Variants in AREG observed in about 807,000 individuals in gnomAD.
The protein encoded by AREG is amphiregulin, also known as amphiregulin B.
Under a neutral mutation model 28.0 loss-of-function variants are expected in AREG, and 16 were observed. The observed-to-expected ratio is 0.57, with a 90% CI of 0.39 to 0.87. The LOEUF (loss-of-function observed/expected upper bound fraction) is 0.87. Among genes scored for constraint, AREG ranks in the 40% least tolerant of loss-of-function variants. The pLI, the probability that AREG is intolerant of heterozygous loss-of-function variation, is 0.00. For missense variants in AREG, 287 were observed against 309.1 expected (o/e 0.93, Z 0.53); for synonymous variants, 113 against 113.5 (o/e 1.00, Z 0.02).
intron 1 of AREG, 32 bp downstream of exon 1, chr4:74,445,438 T>C: frequency 6.3e-7 from 1 of 1,596,214 alleles, no homozygotes; most frequent in Non-Finnish European, 8.5e-7. Flanking sequence ...ACTGCTGGGC[T>C]CTCCTCCCAT....
intron 2 of AREG, chr4:74,448,535 A>G (rs1719328766): frequency 6.4e-6 from 1 of 156,022 alleles, no homozygotes; most frequent in South Asian, 1.9e-4. Context: ...AATGCACAGC[A>G]CTAACATGCA....
intron 1 of AREG, 111 bp from the exon 2 acceptor site, chr4:74,446,423 T>C: frequency 2.5e-6 from 4 of 1,583,870 alleles, no homozygotes; most frequent in Non-Finnish European, 3.5e-6. Flanking sequence ...CAATAGCACA[T>C]GTGCAATAAC....
intron 2 of AREG, 185 bp from the exon 3 acceptor site, chr4:74,448,862 A>G (rs1719334164): frequency 1.2e-6 from 1 of 835,340 alleles, no homozygotes; most frequent in Non-Finnish European, 1.8e-6. Context: ...ACTTTCAGGT[A>G]GAAAAAACTG....
At position 74,445,233 on chromosome 4, in the gene AREG, C is replaced by T. The variant is rs1719248618; in HGVS notation, c.-113C>T. The T allele has an allele frequency of 6.5e-7, 1 of 1,535,950 alleles. No homozygotes were observed. The highest frequency in any genetic ancestry group is 8.8e-7 in the Non-Finnish European group (1 of 1,137,950). ...GAGCTCCCCAAGCCTTCGAGAGCGG[C>T]GCACACTCCCGGTCTCCACTCGCTC... On this transcript the variant is annotated 5_prime_UTR_variant, in exon 1 of 6. Transcript: ENST00000395748.
Position 74,445,296 on chromosome 4 carries a change from C to T in AREG, c.-50C>T, listed in dbSNP as rs1357656133. 8.8e-6 allele frequency: 14 copies of T among 1,594,472 alleles called. No individual in the cohort carries two copies. Among genetic ancestry groups the T allele is most frequent in the African/African-American group, 5.4e-5 (4 of 74,552 alleles). ...CTCGTTTTGGCGGCAGCTCGTGTCC[C>T]AGAGACCGAGTTGCCCCAGAGACCG... On this transcript the variant is annotated 5_prime_UTR_variant, in exon 1 of 6. Transcript: ENST00000395748.
At position 74,450,577 on chromosome 4, in the gene AREG, G is replaced by A. The variant is rs969609544; in HGVS notation, c.665+45G>A. On this transcript the variant is annotated intron_variant, in intron 4 of 5. Transcript: ENST00000395748. ...CAAATTCTTAATAAAATAATGGGAGGTTAATTTTTTCAGTATTTCTCTCAT... is the reference window on the plus strand; with the variant it reads ...CAAATTCTTAATAAAATAATGGGAGATTAATTTTTTCAGTATTTCTCTCAT... The A allele has an allele frequency of 3.7e-5, 60 of 1,606,464 alleles. No homozygotes were observed. The African/African-American group carries it at 7.2e-4, about 19-fold the overall frequency.
intron 5 of AREG, among the ~76,000 whole-genome samples, chr4:74,453,935 A>G (rs958329257): frequency 5.3e-5 from 8 of 152,114 alleles, no homozygotes; most frequent in Admixed American, 3.9e-4. Context: ...AAAAAAAAAA[A>G]AAAGAATTAC....
intron 2 of AREG, among the ~76,000 whole-genome samples, chr4:74,447,828 C>T (rs1163551753): frequency 2.0e-5 from 3 of 152,284 alleles, no homozygotes; most frequent in African/African-American, 7.2e-5. Context: ...ACTTAATTCC[C>T]TTCCTTCTCA....
chr4:74,449,911 T>G (rs1719353856), intron 3 of AREG, among the ~76,000 whole-genome samples: 1 of 142,226 alleles, frequency 7.0e-6, no homozygotes, highest in African/African-American at 2.5e-5. Context: ...GCTTGCTCTC[T>G]CTCTCTCTCT....
chr4:74,453,185 T>C (rs1252481336), intron 5 of AREG, among the ~76,000 whole-genome samples: 3 of 152,170 alleles, frequency 2.0e-5, no homozygotes, highest in Non-Finnish European at 4.4e-5. Context: ...TTAATCTAAA[T>C]GAGTGTTAGG....
At position 74,450,392 on chromosome 4, in the gene AREG, A is replaced by G. The variant is rs912366761; in HGVS notation, c.525A>G (p.Glu175=). The G allele has an allele frequency of 4.6e-5, 74 of 1,613,850 alleles. No individual in the cohort carries two copies. Among genetic ancestry groups the G allele is most frequent in the Middle Eastern group, 1.6e-4 (1 of 6,076 alleles). The stretch of plus-strand genomic sequence containing the variant: ...GAATTGCTTGCAGATGTCAGCAAGA[A>G]TATTTCGGTGAACGGTGTGGGGAAA... ...LEAVTCKCQQ[E]YFGERCGEKS... is the part of the protein sequence containing the mutation. The change falls in exon 4 of 6, where the codon GAA becomes GAG. Residue 175 remains glutamate (E), a synonymous_variant. Transcript: ENST00000395748.
Position 74,446,686 on chromosome 4 carries a change from A to G in AREG, c.214A>G (p.Ser72Gly). ...TTCCCCTGTGAGTGAAATGCCTTCTAGTAGTGAACCGTCCTCGGGAGCCGA... is the reference window on the plus strand; with the variant it reads ...TTCCCCTGTGAGTGAAATGCCTTCTGGTAGTGAACCGTCCTCGGGAGCCGA... ...EISPVSEMPS[S>G]SEPSSGADYD... is the part of the protein sequence containing the mutation. Residue 72 changes from serine (S) to glycine (G), a missense_variant, in exon 2 of 6, where the codon AGT becomes GGT. Coordinates refer to ENST00000395748, the MANE Select transcript of AREG (RefSeq NM_001657.4). 1 of 1,613,932 alleles carries G rather than the reference A, an allele frequency of 6.2e-7. No individual in the cohort carries two copies. Among genetic ancestry groups the G allele is most frequent in the Non-Finnish European group, 8.5e-7 (1 of 1,179,838 alleles).
chr4:74,454,645 A>G (rs890193067), intron 5 of AREG, 114 bp from the exon 6 acceptor site: 33 of 548,028 alleles, frequency 6.0e-5, no homozygotes, highest in Non-Finnish European at 8.2e-5. Context: ...AACAACTGAC[A>G]GAAATTCTGA....
At chr4:74,446,879 G>A in intron 2 of AREG, 97 bp downstream of exon 2, 1 of 1,588,118 alleles carries the variant, frequency 6.3e-7, no homozygotes, top group South Asian at 1.1e-5. Context: ...ATTTTCTAGT[G>A]GCTTTATTGT....
intron 2 of AREG, 84 bp from the exon 3 acceptor site, chr4:74,448,963 C>T: frequency 1.3e-5 from 20 of 1,566,958 alleles, no homozygotes; most frequent in Non-Finnish European, 1.6e-5. Context: ...TGTGAGCGCT[C>T]ACTGCTATGA....
chr4:74,451,478 G>T (rs1311052084), intron 4 of AREG, among the ~76,000 whole-genome samples: 1 of 152,176 alleles, frequency 6.6e-6, no homozygotes, highest in Non-Finnish European at 1.5e-5. Flanking sequence ...GAAACAAGGG[G>T]TTATCTTCTG....
rs1338632848 is a variant in AREG, at chr4:74,445,172, T to C, written c.-174T>C. On this transcript the variant is annotated 5_prime_UTR_variant, in exon 1 of 6. Transcript: ENST00000395748. ...CACCTGGGTGCCAGCGCCCCAGAGG[T>C]CCCGGGACAGCCCGAGGCGCCGCGC... 2 of 1,418,580 alleles carry C rather than the reference T, an allele frequency of 1.4e-6. No individual in the cohort carries two copies. The highest frequency in any genetic ancestry group is 5.0e-5 in the East Asian group (2 of 39,640). The allele number at this position is 1,418,580 out of a possible 1,614,324, so 87.9% of individuals were successfully genotyped here.
rs1719396101 is a variant in AREG at position 74,452,520 on chromosome 4, AT to A, written c.666-22del. 8 of 1,613,122 alleles carry A rather than the reference AT, an allele frequency of 5.0e-6. No individual in the cohort carries two copies. The African/African-American group carries it at 1.1e-4, about 22-fold the overall frequency. ...TATAGATGAATAGAACCTTGATAAC[AT>A]TAGAATGCCTTGTTCTCTGAAGGCT... On this transcript the variant is annotated intron_variant, in intron 4 of 5. Coordinates refer to ENST00000395748, the MANE Select transcript of AREG (RefSeq NM_001657.4).
intron 4 of AREG, 101 bp downstream of exon 4, chr4:74,450,633 A>G (rs1719366335): frequency 1.4e-6 from 2 of 1,450,198 alleles, no homozygotes; most frequent in Non-Finnish European, 9.3e-7. Context: ...ATGAATTATT[A>G]TATTGTCACT....
Sources: gnomAD v4.1 joint callset for allele counts (sites outside exome capture counted in the v4.1 genomes callset) on GRCh38, gnomAD v4.1.1 for gene constraint, MANE v1.5 for transcripts, NCBI Gene and HGNC (gene_info 2026-07-23, HGNC 2026-07-21) for gene names.